MGAT5B: variants seen among roughly 807,000 people sequenced by gnomAD.
The protein encoded by MGAT5B is alpha-1,6-mannosylglycoprotein 6-beta-N-acetylglucosaminyltransferase B.
Under a neutral mutation model 95.1 loss-of-function variants are expected in MGAT5B, and 54 were observed. That is an observed-to-expected ratio of 0.57 (90% CI 0.46 to 0.71). The LOEUF is 0.71. Among genes scored for constraint, MGAT5B ranks in the 30% least tolerant of loss-of-function variants. The pLI, the probability that MGAT5B is intolerant of heterozygous loss-of-function variation, is 0.00. For synonymous variants in MGAT5B, 464 were observed against 451.0 expected (o/e 1.03, Z -0.36); for missense variants, 935 against 1,088.6 (o/e 0.86, Z 1.99).
chr17:76,929,865 T>C (rs7220122), intron 10 of MGAT5B, among the ~76,000 whole-genome samples: 32,560 of 152,180 alleles, frequency 0.21, 3,551 homozygotes, highest in East Asian at 0.28. Flanking sequence ...CCTGTCCCTC[T>C]CTGACTGGCT....
chr17:76,868,958 C>A lies in MGAT5B; in HGVS notation c.-72C>A. On this transcript the variant is annotated 5_prime_UTR_variant, in exon 1 of 18. Coordinates refer to ENST00000569840, the MANE Select transcript of MGAT5B (RefSeq NM_001199172.2). The surrounding 1 kb of genome is among the most constrained non-coding windows in gnomAD (Gnocchi z 6.3). ...GCCCGCAGAGGGTTCGTGGCCCGGA[C>A]GCGGCGAGAGCTGGGCCCAGGACGG... is the stretch of plus-strand genomic sequence containing the variant. The A allele has an allele frequency of 6.1e-6, 9 of 1,480,976 alleles. No individual in the cohort carries two copies. The highest frequency in any genetic ancestry group is 8.4e-6 in the Non-Finnish European group (9 of 1,065,122). The allele number at this position is 1,480,976 out of a possible 1,614,324, so 91.7% of individuals were successfully genotyped here. A position where few individuals can be genotyped will look rare whatever the true frequency, so the allele number is the denominator to read the frequency against.
At chr17:76,890,649 G>A (rs1187240933) in intron 3 of MGAT5B, among the ~76,000 whole-genome samples, 3 of 152,002 alleles carry the variant, frequency 2.0e-5, no homozygotes, top group Non-Finnish European at 4.4e-5. Flanking sequence ...GCCTGCAGGT[G>A]CATGCCACCA....
chr17:76,902,227 G>A (rs77204136), intron 3 of MGAT5B, among the ~76,000 whole-genome samples: 1,551 of 152,314 alleles, frequency 0.01, 29 homozygotes, highest in African/African-American at 0.035. Flanking sequence ...CATGAGGCCT[G>A]GGGCCGAGGG....
rs374152657 is a variant in MGAT5B, at chr17:76,940,573, C to T, written c.1731+25C>T. 5.2e-5 allele frequency: 83 copies of T among 1,596,762 alleles called. No individual in the cohort carries two copies. The South Asian group carries it at 7.0e-4, about 14-fold the overall frequency. Reference sequence around the variant, plus strand: ...GGTGAGTGGAAAGCATCCTGGTCCCCGATCAGGAGGGGCCGGGACAGAGAC... The same window carrying T: ...GGTGAGTGGAAAGCATCCTGGTCCCTGATCAGGAGGGGCCGGGACAGAGAC... On this transcript the variant is annotated intron_variant, in intron 14 of 17. Coordinates refer to ENST00000569840, the MANE Select transcript of MGAT5B (RefSeq NM_001199172.2). The surrounding 1 kb of genome is among the most constrained non-coding windows in gnomAD (Gnocchi z 4.3).
At chr17:76,913,301 A>T (rs1443740884) in intron 8 of MGAT5B, among the ~76,000 whole-genome samples, 4 of 152,236 alleles carry the variant, frequency 2.6e-5, no homozygotes, top group Non-Finnish European at 5.9e-5. Flanking sequence ...TGGAACCCAG[A>T]GATCAGTTCT....
At position 76,912,769 on chromosome 17, in the gene MGAT5B, A is replaced by G. The variant is rs754746282; in HGVS notation, c.1025+6582A>G. On this transcript the variant is annotated intron_variant, in intron 8 of 17. Transcript: ENST00000569840. This position sits in a 1 kb window ranked among gnomAD's most constrained non-coding sequence, Gnocchi z 5.0. ...GCCGTGCGCTCTGTGATGAGACTGCAGCAAGGTGATGTCAGCCAGTCCCCG... is the reference window on the plus strand; with the variant it reads ...GCCGTGCGCTCTGTGATGAGACTGCGGCAAGGTGATGTCAGCCAGTCCCCG... 4.6e-5 allele frequency among the ~76,000 whole-genome samples: 7 copies of G among 152,188 alleles called. No individual in the cohort carries two copies. Among genetic ancestry groups the G allele is most frequent in the Non-Finnish European group, 7.3e-5 (5 of 68,030 alleles).
At chr17:76,902,501 TGG>T (rs1360778344) in intron 3 of MGAT5B, 52 bp from the exon 4 acceptor site, 1 of 1,375,710 alleles carries the variant, frequency 7.3e-7, no homozygotes, top group Non-Finnish European at 1.0e-6. Flanking sequence ...AGGACCCTCA[TGG>T]GAAGGTCACC....
At chr17:76,931,105 A>G (rs1969465215) in intron 10 of MGAT5B, among the ~76,000 whole-genome samples, 1 of 152,118 alleles carries the variant, frequency 6.6e-6, no homozygotes, top group Admixed American at 6.5e-5. Context: ...AATTATTATT[A>G]TTGTTTTTGG....
At chr17:76,908,014 A>G (rs557158153) in intron 8 of MGAT5B, among the ~76,000 whole-genome samples, 1 of 152,292 alleles carries the variant, frequency 6.6e-6, no homozygotes, top group East Asian at 1.9e-4. Flanking sequence ...GATAAGGGTT[A>G]TCATTTTCAT....
At chr17:76,872,667 C>A in intron 1 of MGAT5B, 184 bp from the exon 2 acceptor site, 1 of 1,489,654 alleles carries the variant, frequency 6.7e-7, no homozygotes. Context: ...TGTAGTTGAG[C>A]TCTCTTTATC....
intron 3 of MGAT5B, among the ~76,000 whole-genome samples, chr17:76,885,835 G>C (rs143534948): frequency 3.3e-5 from 5 of 152,298 alleles, no homozygotes; most frequent in African/African-American, 9.6e-5. Flanking sequence ...CTGACTCCAG[G>C]TTAACCAACC....
At position 76,916,890 on chromosome 17, in the gene MGAT5B, G is replaced by A. The variant is rs1158359798; in HGVS notation, c.1026-8076G>A. Among the ~76,000 whole-genome samples, 1 of 152,166 alleles carries A rather than the reference G, an allele frequency of 6.6e-6. No homozygotes were observed. Among genetic ancestry groups the A allele is most frequent in the African/African-American group, 2.4e-5 (1 of 41,442 alleles). On this transcript the variant is annotated intron_variant, in intron 8 of 17. Transcript: ENST00000569840. This position sits in a 1 kb window ranked among gnomAD's most constrained non-coding sequence, Gnocchi z 5.3. The stretch of plus-strand genomic sequence containing the variant: ...CCATCTGTCAGGGAGACTGGAAGGA[G>A]CCACCCACGGGAAGGGTCAAACTCA...
At chr17:76,929,130 T>TGGAATCAC (rs1969406570) in intron 10 of MGAT5B, among the ~76,000 whole-genome samples, 2 of 152,206 alleles carry the variant, frequency 1.3e-5, no homozygotes, top group Admixed American at 1.3e-4. Flanking sequence ...TCTCCCAAAG[T>TGGAATCAC]GCTGGGATTC....
At chr17:76,919,577 A>C (rs1969058531) in intron 8 of MGAT5B, among the ~76,000 whole-genome samples, 1 of 152,156 alleles carries the variant, frequency 6.6e-6, no homozygotes, top group Non-Finnish European at 1.5e-5. Flanking sequence ...TGACAGGTGC[A>C]TGCCACCATG....
At position 76,869,172 on chromosome 17, in the gene MGAT5B, C is replaced by T. The variant is rs965504141; in HGVS notation, c.68+75C>T. 4 of 1,309,804 alleles carry T rather than the reference C, an allele frequency of 3.1e-6. No individual in the cohort carries two copies. The highest frequency in any genetic ancestry group is 4.4e-6 in the Non-Finnish European group (4 of 904,572). The allele number at this position is 1,309,804 out of a possible 1,614,324, so 81.1% of individuals were successfully genotyped here. ...GGTGGGCGAGGTCGGTTCCTGCGAA[C>T]GTTCAAGTCCTGGTGGCAGAGGGGG... On this transcript the variant is annotated intron_variant, in intron 1 of 17. Transcript: ENST00000569840. This position sits in a 1 kb window ranked among gnomAD's most constrained non-coding sequence, Gnocchi z 7.0.
At position 76,869,185 on chromosome 17, in the gene MGAT5B, G is replaced by C. The variant is rs1966902230; in HGVS notation, c.68+88G>C. 8.5e-7 allele frequency: 1 copy of C among 1,176,880 alleles called. No individual in the cohort carries two copies. Among genetic ancestry groups the C allele is most frequent in the Admixed American group, 1.7e-5 (1 of 58,610 alleles). The allele number at this position is 1,176,880 out of a possible 1,614,324, so 72.9% of individuals were successfully genotyped here. ...GGTTCCTGCGAACGTTCAAGTCCTGGTGGCAGAGGGGGCGGTTCACACTTC... is the reference window on the plus strand; with the variant it reads ...GGTTCCTGCGAACGTTCAAGTCCTGCTGGCAGAGGGGGCGGTTCACACTTC... On this transcript the variant is annotated intron_variant, in intron 1 of 17. Coordinates refer to ENST00000569840, the MANE Select transcript of MGAT5B (RefSeq NM_001199172.2). This position sits in a 1 kb window ranked among gnomAD's most constrained non-coding sequence, Gnocchi z 7.0.
intron 10 of MGAT5B, 24 bp downstream of exon 10, chr17:76,926,754 T>G: frequency 6.2e-7 from 1 of 1,610,026 alleles, no homozygotes. Context: ...AGGGCAGGGG[T>G]GGGGTCGGAG....
intron 3 of MGAT5B, among the ~76,000 whole-genome samples, chr17:76,885,987 T>C (rs981857328): frequency 1.3e-5 from 2 of 152,226 alleles, no homozygotes; most frequent in African/African-American, 4.8e-5. Flanking sequence ...CTCAGCCCTT[T>C]TGGAAGCTTC....
rs763775828 is a variant in MGAT5B, at chr17:76,889,828, T to C, written c.329+7530T>C. On this transcript the variant is annotated intron_variant, in intron 3 of 17. Coordinates refer to ENST00000569840, the MANE Select transcript of MGAT5B (RefSeq NM_001199172.2). This position sits in a 1 kb window ranked among gnomAD's most constrained non-coding sequence, Gnocchi z 4.4. ...ACCAACCACATGACAGCCACGTTTA[T>C]TGGGGATGGGGTGTGAAAAAGTCCC... 3.9e-5 allele frequency among the ~76,000 whole-genome samples: 6 copies of C among 152,068 alleles called. No homozygotes were observed. Among genetic ancestry groups the C allele is most frequent in the African/African-American group, 1.2e-4 (5 of 41,416 alleles).
Sources: allele counts gnomAD v4.1 joint callset (sites outside exome capture counted in the v4.1 genomes callset), GRCh38; gene constraint gnomAD v4.1.1; non-coding constraint Gnocchi (gnomAD v3.1); transcripts MANE v1.5; gene names NCBI Gene and HGNC (gene_info 2026-07-23, HGNC 2026-07-21).